Variants in ZNF92 observed in about 807,000 individuals in gnomAD.
ZNF92 encodes epididymis luminal protein 203.
Under a neutral mutation model 12.4 loss-of-function variants are expected in ZNF92, and 11 were observed. The ratio of observed to expected loss-of-function variants is 0.89; its 90% CI spans 0.56 to 1.47. The LOEUF is 1.47. ZNF92 is among the 40% of genes most tolerant of loss of function. ZNF92 has a pLI of 0.00. For synonymous variants in ZNF92, 206 were observed against 228.6 expected, an observed-to-expected ratio of 0.90 and a Z score of 0.89; for missense variants, 622 against 681.0, an observed-to-expected ratio of 0.91 and a Z score of 0.96.
In ZNF92 at chr7:65,400,595, A is replaced by G. The variant is rs1198711381; in HGVS notation, c.*720A>G. 1 of 152,020 alleles carries G rather than the reference A, an allele frequency of 6.6e-6. No homozygotes were observed. Among genetic ancestry groups the G allele is most frequent in the Non-Finnish European group, 1.5e-5 (1 of 67,904 alleles). 9.4% of individuals were successfully genotyped at this position (152,020 alleles called of 1,614,324 possible). A position where few individuals can be genotyped will look rare whatever the true frequency, so the allele number is the denominator to read the frequency against. On this transcript the variant is annotated 3_prime_UTR_variant, in exon 4 of 4. Transcript: ENST00000328747. ...GACATTACACTAAATTAGAGTGTTG[A>G]GTATAGGAGATCCAAAACTAAAATT...
chr7:65,381,704 T>G (rs1793424631), intron 1 of ZNF92, among the ~76,000 whole-genome samples: 1 of 152,188 alleles, frequency 6.6e-6, no homozygotes, highest in Non-Finnish European at 1.5e-5. Context: ...CTTGTGTTTA[T>G]TTTTGGATAT....
intron 1 of ZNF92, among the ~76,000 whole-genome samples, chr7:65,384,914 G>A (rs1037411426): frequency 1.3e-5 from 2 of 152,160 alleles, no homozygotes; most frequent in Admixed American, 1.3e-4. Context: ...CATTGCATTA[G>A]TGCATGTGTA....
chr7:65,396,675 C>A (rs1793854547), intron 3 of ZNF92, among the ~76,000 whole-genome samples: 1 of 151,898 alleles, frequency 6.6e-6, no homozygotes, highest in African/African-American at 2.4e-5. Flanking sequence ...ATAATGGAGT[C>A]ATTTTAGCAT....
Position 65,401,063 on chromosome 7 carries a change from A to G in ZNF92, c.*1188A>G, listed in dbSNP as rs1173690463. 1.3e-5 allele frequency: 2 copies of G among 152,044 alleles called. No homozygotes were observed. Among genetic ancestry groups the G allele is most frequent in the African/African-American group, 4.8e-5 (2 of 41,412 alleles). The allele number at this position is 152,044 out of a possible 1,614,324, so 9.4% of individuals were successfully genotyped here. ...TGTTGATTGTGCTTTTATGTAATAA[A>G]ATGCAGTACTTTAAAACATTTAGAT... On this transcript the variant is annotated 3_prime_UTR_variant, in exon 4 of 4. Transcript: ENST00000328747.
At chr7:65,382,760 A>G (rs573528415) in intron 1 of ZNF92, among the ~76,000 whole-genome samples, 26 of 152,068 alleles carry the variant, frequency 1.7e-4, no homozygotes, top group Non-Finnish European at 3.4e-4. Context: ...TGCAGGTAAC[A>G]CTTACTGCTA....
rs746291590 is a variant in ZNF92 at position 65,387,887 on chromosome 7, G to A, written c.4-15G>A. 1.5e-5 allele frequency: 24 copies of A among 1,593,554 alleles called. 1 individual carries two copies. Among genetic ancestry groups the A allele is most frequent in the Middle Eastern group, 1.7e-4 (1 of 5,992 alleles). The stretch of plus-strand genomic sequence containing the variant: ...TAAACATATGTGTGTTTGTGTGTGT[G>A]TGTGTGTTTTTCAGGGACCACTGAC... On this transcript the variant is annotated splice_polypyrimidine_tract_variant and intron_variant, in intron 1 of 3. Coordinates refer to ENST00000328747, the MANE Select transcript of ZNF92 (RefSeq NM_152626.4).
rs4122883 is a variant in ZNF92 at position 65,399,887 on chromosome 7, A to G, written c.*12A>G. ...AACTACAAACCTGAAAGATGTGACA[A>G]TGATTTTCACTACACCTCAAACTTT... is the stretch of plus-strand genomic sequence containing the variant. On this transcript the variant is annotated 3_prime_UTR_variant, in exon 4 of 4. Coordinates refer to ENST00000328747, the MANE Select transcript of ZNF92 (RefSeq NM_152626.4). The G allele has an allele frequency of 0.19, 298,477 of 1,544,198 alleles. 34,685 individuals carry two copies. Among genetic ancestry groups the G allele is most frequent in the African/African-American group, 0.47 (33,772 of 72,300 alleles).
intron 3 of ZNF92, among the ~76,000 whole-genome samples, chr7:65,396,470 A>C (rs1315461390): frequency 6.6e-6 from 1 of 152,112 alleles, no homozygotes; most frequent in Non-Finnish European, 1.5e-5. Context: ...ACTACAAATT[A>C]TATTGTGTTT....
In ZNF92 at chr7:65,400,103, T is replaced by A. The variant is rs1793972915; in HGVS notation, c.*228T>A. On this transcript the variant is annotated 3_prime_UTR_variant, in exon 4 of 4. Coordinates refer to ENST00000328747, the MANE Select transcript of ZNF92 (RefSeq NM_152626.4). ...GGAAAGCATTTATACTTGAGAAAAA[T>A]TGTATAAAGAATATGGAAAAGCCAT... 2.5e-6 allele frequency: 1 copy of A among 392,500 alleles called. No homozygotes were observed. Among genetic ancestry groups the A allele is most frequent in the Non-Finnish European group, 4.5e-6 (1 of 222,218 alleles). 24.3% of individuals were successfully genotyped at this position (392,500 alleles called of 1,614,324 possible).
rs201689307 is a variant in ZNF92, at chr7:65,388,903, T to C, written c.226+2T>C. 1.3e-6 allele frequency: 2 copies of C among 1,572,224 alleles called. No homozygotes were observed. The highest frequency in any genetic ancestry group is 4.7e-5 in the East Asian group (2 of 42,368). On this transcript the variant is annotated splice_donor_variant, in intron 3 of 3. Coordinates refer to ENST00000328747, the MANE Select transcript of ZNF92 (RefSeq NM_152626.4). LOFTEE classifies it high-confidence loss of function. ...ATGAGATGGTAGACAAAACCCCAGG[T>C]AGGTGACAGTTAATACAACAGACAA...
chr7:65,394,169 T>C (rs886149700), intron 3 of ZNF92, among the ~76,000 whole-genome samples: 9 of 152,138 alleles, frequency 5.9e-5, no homozygotes, highest in African/African-American at 2.2e-4. Context: ...GTCTTTCCTC[T>C]ATATTGTTCC....
chr7:65,394,739 T>C (rs1023946479), intron 3 of ZNF92, among the ~76,000 whole-genome samples: 1 of 152,026 alleles, frequency 6.6e-6, no homozygotes, highest in Admixed American at 6.5e-5. Flanking sequence ...CTGCAACCTC[T>C]GCCTCCCAGG....
At chr7:65,374,101 C>G (rs1376178150) in intron 1 of ZNF92, 101 bp downstream of exon 1, 3 of 1,516,148 alleles carry the variant, frequency 2.0e-6, no homozygotes, top group East Asian at 2.3e-5. Context: ...CAGTCGGCTC[C>G]GAGATCCGCG....
At chr7:65,393,701 A>C (rs926969186) in intron 3 of ZNF92, among the ~76,000 whole-genome samples, 1 of 152,004 alleles carries the variant, frequency 6.6e-6, no homozygotes, top group African/African-American at 2.4e-5. Context: ...AACTGGTATG[A>C]GGTGATTTTG....
chr7:65,384,360 T>A (rs1793506497), intron 1 of ZNF92, among the ~76,000 whole-genome samples: 1 of 152,072 alleles, frequency 6.6e-6, no homozygotes, highest in Non-Finnish European at 1.5e-5. Flanking sequence ...TTCACCCTTT[T>A]TGGAGGCCTT....
At chr7:65,397,359 C>T (rs1793869542) in intron 3 of ZNF92, among the ~76,000 whole-genome samples, 1 of 150,830 alleles carries the variant, frequency 6.6e-6, no homozygotes. Context: ...TATTTTTTAC[C>T]TCCACAATTT....
intron 2 of ZNF92, 140 bp downstream of exon 2, chr7:65,388,168 T>C: frequency 1.1e-6 from 1 of 940,266 alleles, no homozygotes; most frequent in Non-Finnish European, 1.5e-6. Context: ...TTTGTCAGTA[T>C]AGAAAAGAAC....
chr7:65,378,073 C>T (rs999497262), intron 1 of ZNF92, among the ~76,000 whole-genome samples: 1 of 151,986 alleles, frequency 6.6e-6, no homozygotes, highest in Admixed American at 6.6e-5. Context: ...AACTTTAGGC[C>T]TGGCATGGTG....
intron 3 of ZNF92, among the ~76,000 whole-genome samples, chr7:65,393,867 TTA>T (rs1793785829): frequency 6.6e-6 from 1 of 152,064 alleles, no homozygotes; most frequent in African/African-American, 2.4e-5. Context: ...ATGATAAACT[TTA>T]TATGATAAAG....
Sources: gnomAD v4.1 joint callset for allele counts (sites outside exome capture counted in the v4.1 genomes callset) on GRCh38, gnomAD v4.1.1 for gene constraint, MANE v1.5 for transcripts, NCBI Gene and HGNC (gene_info 2026-07-23, HGNC 2026-07-21) for gene names.